ADRA1A: variants seen among roughly 807,000 people sequenced by gnomAD.
ADRA1A encodes the protein adrenoceptor alpha 1A.
Under a neutral mutation model 29.6 loss-of-function variants are expected in ADRA1A, and 31 were observed. That is an observed-to-expected ratio of 1.05 (90% confidence interval 0.79 to 1.41). The LOEUF is 1.41. Ranked by LOEUF, ADRA1A falls within the 40% of genes most tolerant of loss-of-function variation. ADRA1A has a pLI of 0.00. For synonymous variants in ADRA1A, 311 were observed against 254.3 expected (o/e 1.22, Z -2.12); for missense variants, 619 against 601.1 (o/e 1.03, Z -0.31).
chr8:26,787,172 C>G lies in ADRA1A; in HGVS notation c.884-16506G>C, dbSNP rs553044184. Among the ~76,000 whole-genome samples, 259 of 152,300 alleles carry G rather than the reference C, an allele frequency of 1.7e-3. No homozygotes were observed. Among genetic ancestry groups the G allele is most frequent in the Non-Finnish European group, 3.4e-3 (231 of 68,030 alleles). On this transcript the variant is annotated intron_variant, in intron 2 of 2. Transcript: ENST00000380573. The surrounding 1 kb of genome is among the most constrained non-coding windows in gnomAD (Gnocchi z 4.2). ...TTTCTAGATGATGCTATCTGCGAAT[C>G]TGTCACTGCTTTGCTGGCTTTATAG...
chr8:26,800,669 A>G (rs149189928), intron 2 of ADRA1A, among the ~76,000 whole-genome samples: 104 of 152,316 alleles, frequency 6.8e-4, no homozygotes, highest in African/African-American at 2.4e-3. Context: ...GCTGAATTCT[A>G]CCAAATATTC....
chr8:26,855,216 C>CGTGT (rs1554513281), intron 2 of ADRA1A, among the ~76,000 whole-genome samples: 2 of 85,490 alleles, frequency 2.3e-5, no homozygotes, highest in Non-Finnish European at 5.5e-5. Context: ...TGTGTGCATG[C>CGTGT]ATGTGTGTGT....
intron 2 of ADRA1A, among the ~76,000 whole-genome samples, chr8:26,816,788 A>G (rs1039920784): frequency 6.6e-6 from 1 of 152,198 alleles, no homozygotes; most frequent in Non-Finnish European, 1.5e-5. Flanking sequence ...CGGAATATGG[A>G]GAAGACCCTA....
At chr8:26,812,774 C>T (rs1809491816) in intron 2 of ADRA1A, among the ~76,000 whole-genome samples, 1 of 151,830 alleles carries the variant, frequency 6.6e-6, no homozygotes, top group Non-Finnish European at 1.5e-5. Flanking sequence ...ACGCCATTCT[C>T]CTGCCTCAGC....
chr8:26,776,361 C>T (rs2130320421), intron 2 of ADRA1A, among the ~76,000 whole-genome samples: 1 of 152,298 alleles, frequency 6.6e-6, no homozygotes, highest in Middle Eastern at 3.4e-3. Context: ...TCATTTTACC[C>T]CCTGGAAAAC....
In ADRA1A at chr8:26,865,017, C is replaced by G. The variant is rs112346960; in HGVS notation, c.-48G>C. Reference sequence around the variant, plus strand: ...GGTCCGGCTGTCCAGGGCCACCTCCCGGGCTGGCGCGGAGGCGGGAGCGCG... The same window carrying G: ...GGTCCGGCTGTCCAGGGCCACCTCCGGGGCTGGCGCGGAGGCGGGAGCGCG... On this transcript the variant is annotated 5_prime_UTR_variant, in exon 2 of 3. Transcript: ENST00000380573. This position sits in a 1 kb window ranked among gnomAD's most constrained non-coding sequence, Gnocchi z 7.6. 62 of 1,528,658 alleles carry G rather than the reference C, an allele frequency of 4.1e-5. No homozygotes were observed. In the African/African-American group the frequency reaches 6.6e-4, roughly 16 times the overall value. 94.7% of individuals were successfully genotyped at this position (1,528,658 alleles called of 1,614,324 possible). A position where few individuals can be genotyped will look rare whatever the true frequency, so the allele number is the denominator to read the frequency against.
At chr8:26,851,106 G>C (rs945988769) in intron 2 of ADRA1A, among the ~76,000 whole-genome samples, 11 of 152,170 alleles carry the variant, frequency 7.2e-5, no homozygotes, top group Non-Finnish European at 1.2e-4. Context: ...AAATTATAGA[G>C]AGATACAAAA....
chr8:26,802,221 A>T (rs1363551021), intron 2 of ADRA1A, among the ~76,000 whole-genome samples: 4 of 152,222 alleles, frequency 2.6e-5, no homozygotes, highest in African/African-American at 9.6e-5. Context: ...AAAAACGGAC[A>T]AATGGGATCA....
chr8:26,849,939 A>G (rs1294829945), intron 2 of ADRA1A, among the ~76,000 whole-genome samples: 2 of 151,946 alleles, frequency 1.3e-5, no homozygotes, highest in Admixed American at 1.3e-4. Flanking sequence ...ACAAAAACCA[A>G]ATAAGTAAAG....
At chr8:26,822,468 A>G (rs1810243906) in intron 2 of ADRA1A, among the ~76,000 whole-genome samples, 1 of 152,258 alleles carries the variant, frequency 6.6e-6, no homozygotes, top group South Asian at 2.1e-4. Flanking sequence ...AAATTAAAAT[A>G]GCCATACATG....
intron 2 of ADRA1A, among the ~76,000 whole-genome samples, chr8:26,776,989 C>A (rs1806595571): frequency 6.6e-6 from 1 of 152,130 alleles, no homozygotes; most frequent in Admixed American, 6.5e-5. Context: ...AGCTCCAGTG[C>A]CAGTAACATT....
chr8:26,808,548 C>T (rs567791676), intron 2 of ADRA1A, among the ~76,000 whole-genome samples: 35 of 152,310 alleles, frequency 2.3e-4, no homozygotes, highest in African/African-American at 5.5e-4. Context: ...AGCCCCATTG[C>T]GGTGTGCATC....
At chr8:26,829,213 G>A (rs1386025774) in intron 2 of ADRA1A, among the ~76,000 whole-genome samples, 1 of 152,104 alleles carries the variant, frequency 6.6e-6, no homozygotes, top group Non-Finnish European at 1.5e-5. Context: ...CCAGGGTCTA[G>A]ATAAATCCTG....
chr8:26,864,049 AC>A lies in ADRA1A; in HGVS notation c.883+37del. 6.4e-7 allele frequency: 1 copy of A among 1,565,820 alleles called. No individual in the cohort carries two copies. Among genetic ancestry groups the A allele is most frequent in the Non-Finnish European group, 8.6e-7 (1 of 1,158,250 alleles). ...GTAACAGAAGCCGAGGAGGGTGAAG[AC>A]CCCCAGATGCTAAAGTGAGGGGTGT... On this transcript the variant is annotated intron_variant, in intron 2 of 2. Transcript: ENST00000380573. This position sits in a 1 kb window ranked among gnomAD's most constrained non-coding sequence, Gnocchi z 8.1.
chr8:26,823,108 A>G lies in ADRA1A; in HGVS notation c.883+40979T>C, dbSNP rs751789486. Among the ~76,000 whole-genome samples the G allele has an allele frequency of 7.9e-5, 12 of 152,216 alleles. No individual in the cohort carries two copies. Among genetic ancestry groups the G allele is most frequent in the Non-Finnish European group, 1.3e-4 (9 of 68,042 alleles). ...GTTTTTCTCTCCTTTCCAACTGTGA[A>G]CTGTAATTTTTTGTTATAGGCATTA... On this transcript the variant is annotated intron_variant, in intron 2 of 2. Transcript: ENST00000380573. The surrounding 1 kb of genome is among the most constrained non-coding windows in gnomAD (Gnocchi z 4.2).
chr8:26,766,063 AC>A (rs1415706053), downstream of ADRA1A: 2 of 1,613,676 alleles, frequency 1.2e-6, no homozygotes, highest in Non-Finnish European at 1.7e-6. Context: ...AGCATTCTGA[AC>A]CCTTTCTCCA....
intron 2 of ADRA1A, among the ~76,000 whole-genome samples, chr8:26,782,521 C>T (rs1807072316): frequency 6.6e-6 from 1 of 152,082 alleles, no homozygotes; most frequent in Non-Finnish European, 1.5e-5. Context: ...TTGGCCATGC[C>T]TTCCTCTTTC....
Position 26,815,974 on chromosome 8 carries a change from C to T in ADRA1A, c.884-45308G>A, listed in dbSNP as rs1809726130. 6.6e-6 allele frequency among the ~76,000 whole-genome samples: 1 copy of T among 152,134 alleles called. No homozygotes were observed. The highest frequency in any genetic ancestry group is 1.5e-5 in the Non-Finnish European group (1 of 68,034). ...GTCCAGGTGCTGCTGGTTGCTTTAT[C>T]ATGAGCCTTGAAAAGTCGCTGGTTC... is the stretch of plus-strand genomic sequence containing the variant. On this transcript the variant is annotated intron_variant, in intron 2 of 2. Coordinates refer to ENST00000380573, the MANE Select transcript of ADRA1A (RefSeq NM_000680.4). This position sits in a 1 kb window ranked among gnomAD's most constrained non-coding sequence, Gnocchi z 4.2.
chr8:26,786,575 C>T (rs1807404773), intron 2 of ADRA1A, among the ~76,000 whole-genome samples: 1 of 151,990 alleles, frequency 6.6e-6, no homozygotes, highest in Non-Finnish European at 1.5e-5. Flanking sequence ...CTATGGAATA[C>T]TTCTCTGCAC....
Sources: gnomAD v4.1 joint callset for allele counts (sites outside exome capture counted in the v4.1 genomes callset) on GRCh38, gnomAD v4.1.1 for gene constraint, Gnocchi (gnomAD v3.1) non-coding constraint, MANE v1.5 for transcripts, NCBI Gene and HGNC (gene_info 2026-07-23, HGNC 2026-07-21) for gene names.